Variants in EPM2A observed in about 807,000 individuals in gnomAD.
The protein encoded by EPM2A is laforin.
In EPM2A, 21 loss-of-function variants were observed where a neutral mutation model predicts 26.5. That is an observed-to-expected ratio of 0.79 (90% confidence interval 0.56 to 1.14). The LOEUF (loss-of-function observed/expected upper bound fraction) is 1.14, where lower values mean the gene tolerates loss of function less well. Among genes scored for constraint, EPM2A ranks in the 50% most tolerant of loss-of-function variants. The probability of loss-of-function intolerance (pLI) is 0.00; values close to 1 mark genes in which losing one functional copy is unlikely to be tolerated. For missense variants in EPM2A, 458 were observed against 440.8 expected, an observed-to-expected ratio of 1.04 and a Z score of -0.35; for synonymous variants, 217 against 177.6, an observed-to-expected ratio of 1.22 and a Z score of -1.76.
chr6:145,596,528 T>C (rs1781344992), intron 2 of EPM2A, among the ~76,000 whole-genome samples: 1 of 152,214 alleles, frequency 6.6e-6, no homozygotes, highest in South Asian at 2.1e-4. Context: ...TCATTATAAC[T>C]CTGTACTCTT....
chr6:145,623,769 C>G (rs1775686674), downstream of EPM2A, among the ~76,000 whole-genome samples: 1 of 152,100 alleles, frequency 6.6e-6, no homozygotes, highest in East Asian at 1.9e-4. Flanking sequence ...AAGACCATTT[C>G]TGAAATGTAG....
At chr6:145,715,411 C>G (rs921635151) in intron 1 of EPM2A, among the ~76,000 whole-genome samples, 3 of 152,182 alleles carry the variant, frequency 2.0e-5, no homozygotes, top group African/African-American at 7.2e-5. Context: ...ACAGGAAGAA[C>G]ATGCAGACTC....
chr6:145,519,694 G>A (rs1245212341), intron 2 of EPM2A, among the ~76,000 whole-genome samples: 2 of 152,134 alleles, frequency 1.3e-5, no homozygotes, highest in East Asian at 1.9e-4. Flanking sequence ...CAGAGGTTTC[G>A]AGAAACCCTT....
chr6:145,598,993 GT>G (rs1781383432), intron 2 of EPM2A, among the ~76,000 whole-genome samples: 1 of 152,168 alleles, frequency 6.6e-6, no homozygotes, highest in Non-Finnish European at 1.5e-5. Context: ...TTACAATGCT[GT>G]TTTGGTTACT....
At chr6:145,707,162 T>C (rs146314132) in intron 1 of EPM2A, among the ~76,000 whole-genome samples, 5 of 152,360 alleles carry the variant, frequency 3.3e-5, no homozygotes, top group South Asian at 2.1e-4. Flanking sequence ...ATTTTTGTTA[T>C]AGCAGCCTGA....
chr6:145,557,594 A>C (rs1780746200), intron 2 of EPM2A, among the ~76,000 whole-genome samples: 1 of 152,106 alleles, frequency 6.6e-6, no homozygotes, highest in East Asian at 1.9e-4. Context: ...ATTTTTATTT[A>C]TCATTTTATT....
At chr6:145,733,379 G>T (rs118160170) in intron 1 of EPM2A, among the ~76,000 whole-genome samples, 1 of 151,984 alleles carries the variant, frequency 6.6e-6, no homozygotes, top group Non-Finnish European at 1.5e-5. Context: ...AAGTGTGATG[G>T]TTAATTTTAT....
chr6:145,567,174 G>C (rs571212171), intron 2 of EPM2A, among the ~76,000 whole-genome samples: 130 of 152,290 alleles, frequency 8.5e-4, no homozygotes, highest in Non-Finnish European at 8.8e-4. Context: ...CAGTGACCCA[G>C]AGCTCACTAC....
chr6:145,428,080 T>G (rs1381221279), intron 4 of EPM2A, among the ~76,000 whole-genome samples: 1 of 149,892 alleles, frequency 6.7e-6, no homozygotes, highest in Non-Finnish European at 1.5e-5. Context: ...TGATAGTTTT[T>G]TTTTTTTTTT....
intron 2 of EPM2A, among the ~76,000 whole-genome samples, chr6:145,563,290 C>T (rs1292499576): frequency 5.3e-5 from 8 of 151,658 alleles, no homozygotes; most frequent in Admixed American, 6.6e-5. Flanking sequence ...AAATGCAGTT[C>T]GACTCCTTGT....
intron 4 of EPM2A, among the ~76,000 whole-genome samples, chr6:145,406,135 T>C (rs1448134519): frequency 1.3e-5 from 2 of 152,104 alleles, no homozygotes; most frequent in African/African-American, 4.8e-5. Flanking sequence ...TAATATTCAA[T>C]ACTCAATAGT....
At chr6:145,730,389 C>T (rs1261965116) in intron 1 of EPM2A, among the ~76,000 whole-genome samples, 2 of 152,194 alleles carry the variant, frequency 1.3e-5, no homozygotes, top group South Asian at 2.1e-4. Flanking sequence ...CCTTATTCCA[C>T]TAAATGCACA....
At chr6:145,388,882 A>G (rs1778299402) in intron 4 of EPM2A, among the ~76,000 whole-genome samples, 1 of 152,068 alleles carries the variant, frequency 6.6e-6, no homozygotes, top group Non-Finnish European at 1.5e-5. Context: ...CATGGTGTAG[A>G]TGTGCCACAT....
At chr6:145,516,631 T>C (rs1448788249) in intron 2 of EPM2A, among the ~76,000 whole-genome samples, 4 of 152,070 alleles carry the variant, frequency 2.6e-5, no homozygotes, top group African/African-American at 9.7e-5. Context: ...TAGAAAAATA[T>C]GAATGGAGAG....
At chr6:145,475,629 A>G (rs1779533213) in intron 4 of EPM2A, among the ~76,000 whole-genome samples, 1 of 152,080 alleles carries the variant, frequency 6.6e-6, no homozygotes, top group South Asian at 2.1e-4. Flanking sequence ...AAAAAATTTA[A>G]AAAGAAAGTA....
chr6:145,679,404 A>G (rs1780329694), intron 2 of EPM2A, among the ~76,000 whole-genome samples: 1 of 152,152 alleles, frequency 6.6e-6, no homozygotes, highest in African/African-American at 2.4e-5. Context: ...AACTTAAAGT[A>G]TAATAATAAA....
intron 4 of EPM2A, among the ~76,000 whole-genome samples, chr6:145,446,380 C>A (rs1338648830): frequency 7.0e-6 from 1 of 143,082 alleles, no homozygotes; most frequent in Non-Finnish European, 1.6e-5. Context: ...ACTAGATCAT[C>A]AGTGGGCCTG....
intron 2 of EPM2A, among the ~76,000 whole-genome samples, chr6:145,645,003 C>G (rs1312547487): frequency 6.6e-6 from 1 of 152,156 alleles, no homozygotes; most frequent in Non-Finnish European, 1.5e-5. Flanking sequence ...AAGTACCAAT[C>G]CCACCCAAAC....
At chr6:145,526,699 G>C (rs1780279562) in intron 2 of EPM2A, among the ~76,000 whole-genome samples, 1 of 151,908 alleles carries the variant, frequency 6.6e-6, no homozygotes, top group Non-Finnish European at 1.5e-5. Context: ...TGTTAATCTA[G>C]CTGGCACTCT....
Sources: gnomAD v4.1 joint callset for allele counts (sites outside exome capture counted in the v4.1 genomes callset) on GRCh38, gnomAD v4.1.1 for gene constraint, MANE v1.5 for transcripts, NCBI Gene and HGNC (gene_info 2026-07-23, HGNC 2026-07-21) for gene names.